CCN4: variants seen among roughly 807,000 people sequenced by gnomAD.
CCN4 encodes CCN family member 4.
CCN4 carries 30 observed loss-of-function variants against 36.7 expected under a neutral mutation model. The observed-to-expected ratio is 0.82, with a 90% CI of 0.61 to 1.11. The LOEUF (loss-of-function observed/expected upper bound fraction) is 1.11. CCN4 is among the 50% of genes least tolerant of loss of function. The pLI is 0.00. For missense variants in CCN4, 505 were observed against 504.9 expected (o/e 1.00, Z 0.00); for synonymous variants, 191 against 195.4 (o/e 0.98, Z 0.19).
At chr8:133,220,501 A>C (rs1854477484) in intron 2 of CCN4, 80 bp from the exon 3 acceptor site, 1 of 1,560,032 alleles carries the variant, frequency 6.4e-7, no homozygotes, top group African/African-American at 1.3e-5. Flanking sequence ...GGCATGGTCC[A>C]CATGGAGCCC....
chr8:133,199,103 G>C (rs1271251191), intron 1 of CCN4, among the ~76,000 whole-genome samples: 1 of 152,218 alleles, frequency 6.6e-6, no homozygotes, highest in Non-Finnish European at 1.5e-5. Flanking sequence ...AGGAAAAGGA[G>C]GGAATTTGGC....
chr8:133,216,639 T>A, intron 2 of CCN4, among the ~76,000 whole-genome samples: 1 of 152,214 alleles, frequency 6.6e-6, no homozygotes. Flanking sequence ...CTATTTCAGT[T>A]GCACAAACAC....
intron 2 of CCN4, among the ~76,000 whole-genome samples, chr8:133,220,314 G>A (rs1588202236): frequency 2.0e-5 from 3 of 152,278 alleles, no homozygotes; most frequent in Middle Eastern, 3.4e-3. Flanking sequence ...CAAGTCCCTC[G>A]GGAGGCTGCG....
intron 1 of CCN4, among the ~76,000 whole-genome samples, chr8:133,199,841 G>A (rs1180847362): frequency 6.6e-6 from 1 of 152,172 alleles, no homozygotes; most frequent in Non-Finnish European, 1.5e-5. Context: ...GGCCCTTAGT[G>A]TGAGCCAAGG....
chr8:133,197,829 G>T (rs1420704637), intron 1 of CCN4, among the ~76,000 whole-genome samples: 1 of 152,154 alleles, frequency 6.6e-6, no homozygotes, highest in African/African-American at 2.4e-5. Flanking sequence ...GCAGCTCTAG[G>T]AATCCTGCTC....
intron 1 of CCN4, among the ~76,000 whole-genome samples, chr8:133,195,042 G>A (rs1222174947): frequency 1.4e-5 from 2 of 146,276 alleles, no homozygotes; most frequent in Non-Finnish European, 3.0e-5. Flanking sequence ...GTGTATGCAT[G>A]GTGTGTATGT....
At chr8:133,210,731 C>G (rs1009194183) in intron 1 of CCN4, among the ~76,000 whole-genome samples, 19 of 152,360 alleles carry the variant, frequency 1.2e-4, no homozygotes, top group African/African-American at 4.3e-4. Context: ...CTGCCCCATC[C>G]TGCCCTCACC....
rs149641033 is a variant in CCN4 at position 133,201,962 on chromosome 8, G to A, written c.69+10749G>A. Among the ~76,000 whole-genome samples, 1,285 of 152,282 alleles carry A rather than the reference G, an allele frequency of 8.4e-3. 24 individuals carry two copies. Among genetic ancestry groups the A allele is most frequent in the African/African-American group, 0.029 (1,223 of 41,550 alleles). ...AGCTGCCGATGCGTATGTAGGGTTC[G>A]TTATATTATTCTCTCAACGTGGGTG... is the stretch of plus-strand genomic sequence containing the variant. On this transcript the variant is annotated intron_variant, in intron 1 of 4. Coordinates refer to ENST00000250160, the MANE Select transcript of CCN4 (RefSeq NM_003882.4).
intron 2 of CCN4, among the ~76,000 whole-genome samples, chr8:133,215,920 A>T (rs1055660782): frequency 1.3e-5 from 2 of 152,028 alleles, no homozygotes; most frequent in Non-Finnish European, 2.9e-5. Context: ...TTCATAATAA[A>T]TTTTTTAGAT....
At chr8:133,221,728 G>T (rs1244803262) in intron 3 of CCN4, among the ~76,000 whole-genome samples, 1 of 152,050 alleles carries the variant, frequency 6.6e-6, no homozygotes, top group Non-Finnish European at 1.5e-5. Context: ...TGTATGAATG[G>T]ATGGATGGAT....
At chr8:133,221,133 A>T (rs543554406) in intron 3 of CCN4, among the ~76,000 whole-genome samples, 2 of 152,314 alleles carry the variant, frequency 1.3e-5, no homozygotes, top group Admixed American at 1.3e-4. Context: ...AGAGTTAGGG[A>T]TGGGTGGTGG....
intron 1 of CCN4, among the ~76,000 whole-genome samples, chr8:133,202,350 G>A (rs942273126): frequency 6.6e-6 from 1 of 152,220 alleles, no homozygotes; most frequent in Non-Finnish European, 1.5e-5. Flanking sequence ...GCGGTTGCCT[G>A]TTTTACGTTC....
chr8:133,191,532 C>A (rs1307308244), intron 1 of CCN4, among the ~76,000 whole-genome samples: 1 of 152,176 alleles, frequency 6.6e-6, no homozygotes, highest in Non-Finnish European at 1.5e-5. Context: ...GGCTCCAGAC[C>A]CGTCTTCGCC....
At chr8:133,196,311 T>C (rs1231578471) in intron 1 of CCN4, among the ~76,000 whole-genome samples, 1 of 152,196 alleles carries the variant, frequency 6.6e-6, no homozygotes, top group Non-Finnish European at 1.5e-5. Context: ...TCCGGAAGCA[T>C]AAGATACACC....
chr8:133,197,084 G>A (rs887736610), intron 1 of CCN4, among the ~76,000 whole-genome samples: 3 of 152,132 alleles, frequency 2.0e-5, no homozygotes, highest in Non-Finnish European at 4.4e-5. Flanking sequence ...TGATGATGAT[G>A]ATGATGATGG....
At chr8:133,211,470 T>A (rs1453598801) in intron 1 of CCN4, among the ~76,000 whole-genome samples, 3 of 152,228 alleles carry the variant, frequency 2.0e-5, no homozygotes, top group Non-Finnish European at 4.4e-5. Flanking sequence ...TTAATTTGCA[T>A]CTTGGCCTTG....
chr8:133,205,477 T>C (rs1438151691), intron 1 of CCN4, among the ~76,000 whole-genome samples: 2 of 152,188 alleles, frequency 1.3e-5, no homozygotes, highest in Non-Finnish European at 2.9e-5. Context: ...GACAGAATGA[T>C]GCAGGCTCCA....
intron 2 of CCN4, 68 bp downstream of exon 2, chr8:133,213,211 C>T: frequency 6.6e-7 from 1 of 1,525,462 alleles, no homozygotes; most frequent in Middle Eastern, 1.8e-4. Flanking sequence ...AAACCCCTCT[C>T]CCTTGGCACC....
intron 1 of CCN4, among the ~76,000 whole-genome samples, chr8:133,191,623 G>A (rs1032682394): frequency 6.6e-6 from 1 of 152,172 alleles, no homozygotes; most frequent in Non-Finnish European, 1.5e-5. Context: ...GTGACTTCTA[G>A]AGTCTCTGAG....
Sources: allele counts gnomAD v4.1 joint callset (sites outside exome capture counted in the v4.1 genomes callset), GRCh38; gene constraint gnomAD v4.1.1; transcripts MANE v1.5; gene names NCBI Gene and HGNC (gene_info 2026-07-23, HGNC 2026-07-21).